CCDC178: variants seen among roughly 807,000 people sequenced by gnomAD.
CCDC178 encodes coiled-coil domain containing 178.
In CCDC178, 126 loss-of-function variants were observed where a neutral mutation model predicts 117.4. The observed-to-expected ratio is 1.07, with a 90% CI of 0.93 to 1.24. The LOEUF is 1.24. CCDC178 is among the 50% of genes most tolerant of loss of function. The pLI, the probability that CCDC178 is intolerant of heterozygous loss-of-function variation, is 0.00. For synonymous variants in CCDC178, 283 were observed against 313.4 expected (o/e 0.90, Z 1.02); for missense variants, 1,030 against 986.9 (o/e 1.04, Z -0.59).
chr18:33,286,791 C>A (rs989560052), intron 12 of CCDC178, among the ~76,000 whole-genome samples: 5 of 152,050 alleles, frequency 3.3e-5, no homozygotes, highest in African/African-American at 1.2e-4. Context: ...ATAAATATTT[C>A]TAAATCCCTA....
intron 20 of CCDC178, among the ~76,000 whole-genome samples, chr18:33,132,845 G>A (rs1404146692): frequency 6.6e-6 from 1 of 151,582 alleles, no homozygotes; most frequent in Non-Finnish European, 1.5e-5. Context: ...ATTACCAATT[G>A]TAATTTATAA....
intron 20 of CCDC178, among the ~76,000 whole-genome samples, chr18:33,108,589 A>C (rs1368315837): frequency 6.6e-6 from 1 of 151,644 alleles, no homozygotes; most frequent in Non-Finnish European, 1.5e-5. Flanking sequence ...AAATTTATTT[A>C]TTCACTTGAT....
At chr18:33,231,067 C>G (rs2059362460) in intron 15 of CCDC178, among the ~76,000 whole-genome samples, 1 of 152,156 alleles carries the variant, frequency 6.6e-6, no homozygotes, top group Non-Finnish European at 1.5e-5. Context: ...AAATATCACT[C>G]AATTGATTAC....
chr18:33,213,347 A>C (rs150632662), intron 19 of CCDC178, among the ~76,000 whole-genome samples: 1 of 152,072 alleles, frequency 6.6e-6, no homozygotes, highest in Non-Finnish European at 1.5e-5. Flanking sequence ...CTTCTACAGG[A>C]AATAAGGTTC....
At chr18:33,248,973 A>G (rs769204552) in intron 14 of CCDC178, among the ~76,000 whole-genome samples, 17 of 152,054 alleles carry the variant, frequency 1.1e-4, no homozygotes, top group African/African-American at 1.4e-4. Context: ...CTGGTGTGAG[A>G]TGGTATCACA....
chr18:33,426,945 A>C (rs1274972842), intron 2 of CCDC178, among the ~76,000 whole-genome samples: 1 of 152,158 alleles, frequency 6.6e-6, no homozygotes, highest in Non-Finnish European at 1.5e-5. Flanking sequence ...TAAAATAATT[A>C]ACATTTACAT....
At chr18:33,312,231 C>A (rs887682481) in intron 11 of CCDC178, among the ~76,000 whole-genome samples, 1 of 152,044 alleles carries the variant, frequency 6.6e-6, no homozygotes, top group Non-Finnish European at 1.5e-5. Flanking sequence ...CTTTTAGATG[C>A]CTTTTTCTGC....
chr18:33,274,013 G>T (rs1259548742), intron 12 of CCDC178, among the ~76,000 whole-genome samples: 2 of 151,516 alleles, frequency 1.3e-5, no homozygotes, highest in African/African-American at 4.8e-5. Flanking sequence ...TCTAATATCT[G>T]GACTACAGAA....
In CCDC178 at chr18:33,389,485, G is replaced by A. The variant is rs889376885; in HGVS notation, c.208+55C>T. ...TAGTATTGACATTATAGACTAATGA[G>A]ATAATATAAATATAGTTTATATAGT... is the stretch of plus-strand genomic sequence containing the variant. On this transcript the variant is annotated intron_variant, in intron 5 of 22. Coordinates refer to ENST00000383096, the MANE Select transcript of CCDC178 (RefSeq NM_001105528.4). 7 of 776,778 alleles carry A rather than the reference G, an allele frequency of 9.0e-6. No homozygotes were observed. The Admixed American group carries it at 2.1e-4, about 23-fold the overall frequency. 48.1% of individuals were successfully genotyped at this position (776,778 alleles called of 1,614,324 possible). A position where few individuals can be genotyped will look rare whatever the true frequency, so the allele number is the denominator to read the frequency against.
intron 20 of CCDC178, among the ~76,000 whole-genome samples, chr18:33,155,601 G>A (rs962702244): frequency 1.3e-5 from 2 of 152,112 alleles, no homozygotes; most frequent in African/African-American, 4.8e-5. Flanking sequence ...AAGATCAGTT[G>A]CAAATATCTA....
intron 20 of CCDC178, among the ~76,000 whole-genome samples, chr18:33,128,274 A>G (rs544343602): frequency 2.6e-5 from 4 of 152,218 alleles, no homozygotes; most frequent in African/African-American, 9.6e-5. Context: ...TGGTAAAGTC[A>G]TATGTCCCAC....
At chr18:33,401,279 T>C (rs1220492489) in intron 3 of CCDC178, among the ~76,000 whole-genome samples, 5 of 152,184 alleles carry the variant, frequency 3.3e-5, no homozygotes, top group Non-Finnish European at 5.9e-5. Context: ...ATGCTGCCCA[T>C]AGACTTGCTG....
chr18:33,185,664 T>C (rs2058783202), intron 20 of CCDC178, among the ~76,000 whole-genome samples: 1 of 152,126 alleles, frequency 6.6e-6, no homozygotes, highest in African/African-American at 2.4e-5. Context: ...CAAAAATTTT[T>C]CTCACAAAGA....
intron 10 of CCDC178, among the ~76,000 whole-genome samples, chr18:33,325,337 T>C (rs2062569908): frequency 1.3e-5 from 2 of 152,078 alleles, no homozygotes; most frequent in South Asian, 4.1e-4. Flanking sequence ...TTTTCTGCTG[T>C]TAAACCATTG....
At chr18:33,239,503 T>TA (rs201337183) in intron 15 of CCDC178, among the ~76,000 whole-genome samples, 6,040 of 135,352 alleles carry the variant, frequency 0.045, 161 homozygotes, top group East Asian at 0.12. Flanking sequence ...GTGACGTGGT[T>TA]AAAAAAAAAA....
intron 2 of CCDC178, among the ~76,000 whole-genome samples, chr18:33,427,460 A>G (rs1167077641): frequency 1.3e-5 from 2 of 152,140 alleles, no homozygotes; most frequent in African/African-American, 4.8e-5. Context: ...ATTGTTCCAC[A>G]TCTTTCCTAT....
chr18:33,259,128 T>C (rs1368534241), intron 14 of CCDC178, among the ~76,000 whole-genome samples: 1 of 152,180 alleles, frequency 6.6e-6, no homozygotes, highest in Non-Finnish European at 1.5e-5. Flanking sequence ...TCTAATTTTA[T>C]ATGTAAAAAC....
chr18:33,263,869 T>C (rs1342543955), intron 14 of CCDC178, among the ~76,000 whole-genome samples: 1 of 152,006 alleles, frequency 6.6e-6, no homozygotes, highest in Non-Finnish European at 1.5e-5. Context: ...ACTTAAAGAT[T>C]TTCTACAAAT....
intron 3 of CCDC178, among the ~76,000 whole-genome samples, chr18:33,410,711 A>T (rs928596562): frequency 3.3e-5 from 5 of 152,154 alleles, no homozygotes; most frequent in Non-Finnish European, 5.9e-5. Flanking sequence ...TTTCCTTTGC[A>T]GTGTGACTTT....
Sources: gnomAD v4.1 joint callset for allele counts (sites outside exome capture counted in the v4.1 genomes callset) on GRCh38, gnomAD v4.1.1 for gene constraint, MANE v1.5 for transcripts, NCBI Gene and HGNC (gene_info 2026-07-23, HGNC 2026-07-21) for gene names.